BCL11A: variants seen among roughly 807,000 people sequenced by gnomAD.
BCL11A encodes the protein B cell CLL/lymphoma 11A.
A neutral mutation model predicts 55.9 loss-of-function variants in BCL11A; 2 were observed. The ratio of observed to expected loss-of-function variants is 0.04; its 90% CI spans 0.01 to 0.11. BCL11A has a LOEUF of 0.11. Among genes scored for constraint, BCL11A ranks in the 10% least tolerant of loss-of-function variants. BCL11A has a pLI of 1.00. For missense variants in BCL11A, 817 were observed against 1,137.1 expected, an observed-to-expected ratio of 0.72 and a Z score of 4.05; for synonymous variants, 465 against 473.4, an observed-to-expected ratio of 0.98 and a Z score of 0.23.
At chr2:60,473,216 C>T (rs1273721957) in intron 2 of BCL11A, among the ~76,000 whole-genome samples, 1 of 148,942 alleles carries the variant, frequency 6.7e-6, no homozygotes. Flanking sequence ...ATTTCCTAAA[C>T]ATATGTTTTT....
intron 2 of BCL11A, among the ~76,000 whole-genome samples, chr2:60,529,922 G>A (rs899456933): frequency 6.6e-6 from 1 of 152,194 alleles, no homozygotes; most frequent in Admixed American, 6.5e-5. Flanking sequence ...CCTCTGGTGG[G>A]AACTAGAACA....
At chr2:60,548,932 C>T (rs892916668) in intron 1 of BCL11A, among the ~76,000 whole-genome samples, 5 of 152,144 alleles carry the variant, frequency 3.3e-5, no homozygotes, top group African/African-American at 1.2e-4. Context: ...CATTTTAATG[C>T]AAATTCCCCT....
intron 3 of BCL11A, among the ~76,000 whole-genome samples, chr2:60,463,486 A>C (rs985730994): frequency 1.3e-5 from 2 of 152,232 alleles, no homozygotes; most frequent in Non-Finnish European, 2.9e-5. Flanking sequence ...AGAAAGATAC[A>C]GTTCAGCTAG....
At chr2:60,529,624 G>A (rs756480406) in intron 2 of BCL11A, among the ~76,000 whole-genome samples, 83 of 152,044 alleles carry the variant, frequency 5.5e-4, no homozygotes, top group Non-Finnish European at 9.8e-4. Flanking sequence ...CGGGAGCGGG[G>A]GCAGGTATCC....
rs749992547 is a variant in BCL11A, at chr2:60,460,388, G to T, written c.*16C>A. On this transcript the variant is annotated 3_prime_UTR_variant, in exon 4 of 4. Coordinates refer to ENST00000642384, the MANE Select transcript of BCL11A (RefSeq NM_022893.4). ...GGGGTGTCAGGTGGGAGTGAGGGAG[G>T]GGTATTAATATACCTCTATTCAGTT... 1.9e-6 allele frequency: 3 copies of T among 1,570,476 alleles called. No homozygotes were observed. The highest frequency in any genetic ancestry group is 3.4e-5 in the Admixed American group (2 of 58,096).
At position 60,458,790 on chromosome 2, in the gene BCL11A, A is replaced by G. The variant is rs1163686478; in HGVS notation, c.*1614T>C. 2 of 1,030,422 alleles carry G rather than the reference A, an allele frequency of 1.9e-6. No homozygotes were observed. Among genetic ancestry groups the G allele is most frequent in the East Asian group, 1.2e-4 (2 of 16,428 alleles). 63.8% of individuals were successfully genotyped at this position (1,030,422 alleles called of 1,614,324 possible). ...CTGTATCTCTGATTAGAGAAAAGAT[A>G]CAGATATCACAGGCAGAGTCAAGTG... is the stretch of plus-strand genomic sequence containing the variant. On this transcript the variant is annotated 3_prime_UTR_variant, in exon 4 of 4. Transcript: ENST00000642384.
intron 3 of BCL11A, among the ~76,000 whole-genome samples, chr2:60,467,180 GTGGTGGTGA>G (rs1374949809): frequency 3.3e-4 from 39 of 118,930 alleles, no homozygotes; most frequent in East Asian, 1.1e-3. Flanking sequence ...GGTGGTGGTG[GTGGTGGTGA>G]TGGTGGTGGT....
downstream of BCL11A, chr2:60,457,088 T>G (rs957117699): frequency 4.2e-6 from 1 of 239,936 alleles, no homozygotes; most frequent in Non-Finnish European, 6.8e-6. Flanking sequence ...AGAATGCCCA[T>G]AGAAATAATC....
Position 60,461,250 on chromosome 2 carries a change from G to A in BCL11A, c.1662C>T (p.Ser554=), listed in dbSNP as rs759778214. 4 of 1,609,062 alleles carry A rather than the reference G, an allele frequency of 2.5e-6. No homozygotes were observed. Among genetic ancestry groups the A allele is most frequent in the Non-Finnish European group, 2.5e-6 (3 of 1,179,766 alleles). The change falls in exon 4 of 4, where the codon TCC becomes TCT. Residue 554 remains serine (S), a synonymous_variant. Transcript: ENST00000642384. ...GGAAGGCCTCGCTGAAGTGCTGCAT[G>A]GAGCTGAGCACCATGCCCTGCATGA... ...PDVMQGMVLS[S]MQHFSEAFHQ... is the part of the protein sequence containing the mutation.
intron 2 of BCL11A, among the ~76,000 whole-genome samples, chr2:60,496,295 G>A (rs1678944488): frequency 6.6e-6 from 1 of 152,240 alleles, no homozygotes; most frequent in South Asian, 2.1e-4. Flanking sequence ...ATGGGGGACA[G>A]GGTGGGAGTG....
At chr2:60,540,814 T>G (rs1669884818) in intron 2 of BCL11A, among the ~76,000 whole-genome samples, 1 of 152,166 alleles carries the variant, frequency 6.6e-6, no homozygotes, top group Admixed American at 6.5e-5. Context: ...CCAGCCCATG[T>G]GCAGCTCCAC....
chr2:60,473,026 A>C (rs1677295185), intron 2 of BCL11A, among the ~76,000 whole-genome samples: 1 of 131,194 alleles, frequency 7.6e-6, no homozygotes, highest in South Asian at 2.2e-4. Flanking sequence ...TATGTGTGTT[A>C]GCGTGTGCAT....
At chr2:60,515,747 C>T (rs1668700756) in intron 2 of BCL11A, among the ~76,000 whole-genome samples, 1 of 152,172 alleles carries the variant, frequency 6.6e-6, no homozygotes, top group Non-Finnish European at 1.5e-5. Flanking sequence ...AGTGGACTGA[C>T]ACAGACATGG....
chr2:60,457,587 T>C lies in BCL11A; in HGVS notation c.*2817A>G. ...TGACTAAAGCGGGCTTTCTCTTTAA[T>C]ATGCTTTGCATATGAAATTCTTTCC... On this transcript the variant is annotated 3_prime_UTR_variant, in exon 4 of 4. Coordinates refer to ENST00000642384, the MANE Select transcript of BCL11A (RefSeq NM_022893.4). The C allele has an allele frequency of 9.6e-7, 1 of 1,044,714 alleles. No individual in the cohort carries two copies. The allele number at this position is 1,044,714 out of a possible 1,614,324, so 64.7% of individuals were successfully genotyped here.
chr2:60,468,532 G>A lies in BCL11A; in HGVS notation c.487+200C>T, dbSNP rs143413014. 2.0e-4 allele frequency among the ~76,000 whole-genome samples: 31 copies of A among 152,294 alleles called. No individual in the cohort carries two copies. The East Asian group carries it at 5.8e-3, about 28-fold the overall frequency. On this transcript the variant is annotated intron_variant, in intron 3 of 3. Transcript: ENST00000642384. Reference sequence around the variant, plus strand: ...CTACTATCAGCTCCCAGCCTCCAGTGAGGAAAGAAAAAGGGGAGGGAAGAA... The same window carrying A: ...CTACTATCAGCTCCCAGCCTCCAGTAAGGAAAGAAAAAGGGGAGGGAAGAA...
intron 3 of BCL11A, among the ~76,000 whole-genome samples, chr2:60,467,225 GTGGTGGTGGTAGTGA>G (rs1437171877): frequency 5.6e-5 from 7 of 125,200 alleles, no homozygotes; most frequent in Middle Eastern, 3.9e-3. Flanking sequence ...ACTGGTGATG[GTGGTGGTGGTAGTGA>G]TGGTGGTGGT....
At chr2:60,510,229 C>T (rs913839390) in intron 2 of BCL11A, among the ~76,000 whole-genome samples, 20 of 152,302 alleles carry the variant, frequency 1.3e-4, no homozygotes, top group African/African-American at 4.3e-4. Flanking sequence ...CCCTTGGAGT[C>T]AGAGCCAAAA....
chr2:60,505,589 CCTT>C (rs1223967649), intron 2 of BCL11A, among the ~76,000 whole-genome samples: 16 of 152,256 alleles, frequency 1.1e-4, no homozygotes, highest in African/African-American at 3.9e-4. Context: ...ATGCATACCT[CCTT>C]CTCTTTCCTC....
downstream of BCL11A, chr2:60,452,618 A>G: frequency 6.2e-7 from 1 of 1,613,924 alleles, no homozygotes; most frequent in South Asian, 1.1e-5. Flanking sequence ...AAACTGCCAC[A>G]CATCTTGAGC....
Sources: allele counts gnomAD v4.1 joint callset (sites outside exome capture counted in the v4.1 genomes callset), GRCh38; gene constraint gnomAD v4.1.1; transcripts MANE v1.5; gene names NCBI Gene and HGNC (gene_info 2026-07-23, HGNC 2026-07-21).